Variants in INPP5B observed in about 807,000 individuals in gnomAD.
INPP5B encodes inositol polyphosphate-5-phosphatase B.
In INPP5B, 90 loss-of-function variants were observed where a neutral mutation model predicts 118.5. That is an observed-to-expected ratio of 0.76 (90% CI 0.64 to 0.90). The LOEUF is 0.90. Ranked by LOEUF, INPP5B falls within the 40% of genes least tolerant of loss-of-function variation. INPP5B has a pLI of 0.00. For synonymous variants in INPP5B, 385 were observed against 418.9 expected (o/e 0.92, Z 0.99); for missense variants, 984 against 1,125.6 (o/e 0.87, Z 1.80).
intron 19 of INPP5B, among the ~76,000 whole-genome samples, chr1:37,871,885 G>A: frequency 6.8e-6 from 1 of 147,522 alleles, no homozygotes. Flanking sequence ...AGCTGAGTGA[G>A]ACTCTGTTTC....
intron 6 of INPP5B, among the ~76,000 whole-genome samples, chr1:37,933,541 C>T (rs925823089): frequency 2.0e-5 from 3 of 151,268 alleles, no homozygotes; most frequent in Admixed American, 2.0e-4. Flanking sequence ...GAGTGAGACT[C>T]TGTCTCAAGA....
intron 7 of INPP5B, among the ~76,000 whole-genome samples, chr1:37,895,113 G>C (rs891075985): frequency 6.6e-6 from 1 of 152,062 alleles, no homozygotes; most frequent in Non-Finnish European, 1.5e-5. Flanking sequence ...AGTTAGTAAT[G>C]GTGTATTGGG....
chr1:37,881,220 G>T (rs1438493316), intron 14 of INPP5B, among the ~76,000 whole-genome samples: 1 of 152,248 alleles, frequency 6.6e-6, no homozygotes, highest in Non-Finnish European at 1.5e-5. Context: ...TATGCGAACT[G>T]GGGGAAGCTC....
intron 19 of INPP5B, among the ~76,000 whole-genome samples, chr1:37,871,045 T>C (rs547887918): frequency 2.0e-5 from 3 of 149,208 alleles, no homozygotes; most frequent in Non-Finnish European, 4.4e-5. Flanking sequence ...TAGTCCCAGC[T>C]ACTGGGGAGG....
chr1:37,875,542 A>T, intron 17 of INPP5B, 64 bp downstream of exon 17: 1 of 1,258,712 alleles, frequency 7.9e-7, no homozygotes, highest in Non-Finnish European at 1.2e-6. Flanking sequence ...TGCTGGGATT[A>T]CAGGCGTGAG....
Position 37,865,900 on chromosome 1 carries a change from A to T in INPP5B, c.2387-12T>A. ...ATGATTGCTGGCAGCTTTTGGCCCCATTGTTAAGGAACCGATAATGCTGCT... is the reference window on the plus strand; with the variant it reads ...ATGATTGCTGGCAGCTTTTGGCCCCTTTGTTAAGGAACCGATAATGCTGCT... On this transcript the variant is annotated splice_polypyrimidine_tract_variant and intron_variant, in intron 21 of 23. Transcript: ENST00000373024. 6.2e-7 allele frequency: 1 copy of T among 1,611,454 alleles called. No homozygotes were observed.
chr1:37,902,556 C>T (rs559046882), intron 7 of INPP5B, among the ~76,000 whole-genome samples: 1 of 150,428 alleles, frequency 6.6e-6, no homozygotes, highest in South Asian at 2.1e-4. Context: ...CCTATTTCTA[C>T]AAAAAAAAAA....
intron 7 of INPP5B, among the ~76,000 whole-genome samples, chr1:37,903,125 G>A (rs575365882): frequency 5.9e-5 from 9 of 152,220 alleles, no homozygotes; most frequent in African/African-American, 2.2e-4. Flanking sequence ...GTAAAATAAG[G>A]CTAAGACCTG....
chr1:37,944,830 G>A (rs1646061293), intron 3 of INPP5B, among the ~76,000 whole-genome samples: 3 of 151,864 alleles, frequency 2.0e-5, no homozygotes, highest in South Asian at 2.1e-4. Context: ...TGTTGCCCAA[G>A]CTGGTCTCGA....
intron 7 of INPP5B, among the ~76,000 whole-genome samples, chr1:37,896,741 C>A (rs542249232): frequency 2.2e-5 from 3 of 134,000 alleles, no homozygotes; most frequent in Admixed American, 2.1e-4. Context: ...GTCAGCCCCC[C>A]GCCCGGCCAG....
Position 37,932,031 on chromosome 1 carries a change from A to G in INPP5B, c.414T>C (p.Asp138=), listed in dbSNP as rs1645498494. Residue 138 remains aspartate, a synonymous_variant, in exon 7 of 24, where the codon GAT becomes GAC. Transcript: ENST00000373024. Reference sequence around the variant, plus strand: ...ACCGAGACAGCCACAGGAATTCAGGATCCCGGGTCGCAGAATCGAAGCCTG... The same window carrying G: ...ACCGAGACAGCCACAGGAATTCAGGGTCCCGGGTCGCAGAATCGAAGCCTG... The part of the protein sequence containing the change: ...ACPGFDSATR[D]PEFLWLSRYR... The G allele has an allele frequency of 6.2e-7, 1 of 1,601,604 alleles. No homozygotes were observed. Among genetic ancestry groups the G allele is most frequent in the African/African-American group, 1.3e-5 (1 of 74,666 alleles).
At chr1:37,912,182 A>C (rs2148604384) in intron 7 of INPP5B, among the ~76,000 whole-genome samples, 1 of 152,214 alleles carries the variant, frequency 6.6e-6, no homozygotes, top group South Asian at 2.1e-4. Context: ...AGTTCTTGTT[A>C]AGAATCTGAC....
intron 7 of INPP5B, among the ~76,000 whole-genome samples, chr1:37,922,982 C>G (rs992235132): frequency 9.2e-5 from 14 of 152,152 alleles, no homozygotes; most frequent in African/African-American, 3.4e-4. Context: ...TGTGAACTGT[C>G]TGTGGTCTGG....
At chr1:37,941,923 G>A (rs1645931755) in intron 5 of INPP5B, among the ~76,000 whole-genome samples, 1 of 50,732 alleles carries the variant, frequency 2.0e-5, no homozygotes, top group Non-Finnish European at 4.0e-5. Flanking sequence ...GGGCGACAGA[G>A]CGAGACTCCG....
chr1:37,899,177 C>CAAAAA (rs34526336), intron 7 of INPP5B, among the ~76,000 whole-genome samples: 1 of 117,124 alleles, frequency 8.5e-6, no homozygotes, highest in African/African-American at 3.3e-5. Flanking sequence ...GTGAAACTGT[C>CAAAAA]AAAAAAAAAA....
At chr1:37,905,618 T>C (rs964561990) in intron 7 of INPP5B, among the ~76,000 whole-genome samples, 1 of 152,244 alleles carries the variant, frequency 6.6e-6, no homozygotes, top group Non-Finnish European at 1.5e-5. Flanking sequence ...CAGACAACTG[T>C]TGTCTTGTTT....
chr1:37,881,927 G>A (rs1044361712), intron 14 of INPP5B, among the ~76,000 whole-genome samples: 10 of 151,952 alleles, frequency 6.6e-5, no homozygotes, highest in African/African-American at 1.9e-4. Context: ...GTGAAACCCC[G>A]TCTTTACTAA....
intron 21 of INPP5B, 137 bp from the exon 22 acceptor site, chr1:37,866,025 C>T (rs1420842538): frequency 6.5e-6 from 9 of 1,383,542 alleles, no homozygotes; most frequent in African/African-American, 2.9e-5. Flanking sequence ...CCTAACTTCT[C>T]GAAGGGACCA....
At chr1:37,875,123 T>G (rs1260864389) in intron 17 of INPP5B, among the ~76,000 whole-genome samples, 1 of 152,112 alleles carries the variant, frequency 6.6e-6, no homozygotes, top group Non-Finnish European at 1.5e-5. Context: ...CAACAACCTC[T>G]CTCTTCTCAG....
Sources: allele counts gnomAD v4.1 joint callset (sites outside exome capture counted in the v4.1 genomes callset), GRCh38; gene constraint gnomAD v4.1.1; transcripts MANE v1.5; gene names NCBI Gene and HGNC (gene_info 2026-07-23, HGNC 2026-07-21).